The following EPHA6 variants were observed in gnomAD, a reference collection of about 807,000 sequenced individuals.
EPHA6 encodes the protein ephrin type-A receptor 6.
EPHA6 carries 50 observed loss-of-function variants against 112.0 expected under a neutral mutation model. That is an observed-to-expected ratio of 0.45 (90% CI 0.36 to 0.56). The LOEUF (loss-of-function observed/expected upper bound fraction) is 0.56. Ranked by LOEUF, EPHA6 falls within the 20% of genes least tolerant of loss-of-function variation. The pLI, the probability that EPHA6 is intolerant of heterozygous loss-of-function variation, is 0.00. For synonymous variants in EPHA6, 529 were observed against 490.7 expected, an observed-to-expected ratio of 1.08 and a Z score of -1.03; for missense variants, 1,280 against 1,417.4, an observed-to-expected ratio of 0.90 and a Z score of 1.56.
intron 4 of EPHA6, among the ~76,000 whole-genome samples, chr3:97,230,830 A>G (rs2078502419): frequency 6.6e-6 from 1 of 152,142 alleles, no homozygotes; most frequent in African/African-American, 2.4e-5. Flanking sequence ...AAATCACAGT[A>G]AACCAGGACA....
At chr3:97,489,128 G>A (rs2091770557) in intron 10 of EPHA6, among the ~76,000 whole-genome samples, 1 of 152,134 alleles carries the variant, frequency 6.6e-6, no homozygotes, top group South Asian at 2.1e-4. Flanking sequence ...AAAAGGATTA[G>A]AAATGACTAT....
At chr3:96,921,734 A>G (rs1047897569) in intron 2 of EPHA6, among the ~76,000 whole-genome samples, 1 of 151,832 alleles carries the variant, frequency 6.6e-6, no homozygotes, top group African/African-American at 2.4e-5. Context: ...TGCCTGGCTA[A>G]TTTTTGTATT....
chr3:96,814,985 G>A lies in EPHA6; in HGVS notation c.362G>A (p.Cys121Tyr). The change falls in exon 1 of 18, where the codon TGC (cysteine) becomes TAC (tyrosine). Residue 121 changes from cysteine to tyrosine, a missense_variant. Around this residue, in one of 4 missense-constraint regions of EPHA6, gnomAD observed 220 missense variants for 171.5 expected, o/e 1.28. Coordinates refer to ENST00000389672, the MANE Select transcript of EPHA6 (RefSeq NM_001080448.3). ...CTGCTGACAGCGTGGCCAGGCGACT[G>A]CAGTCACGTCTCCAACAACCAAGGT... ...LPLLTAWPGD[C>Y]SHVSNNQVVL... is the part of the protein sequence containing the mutation. The A allele has an allele frequency of 1.3e-6, 2 of 1,530,600 alleles. No individual in the cohort carries two copies. Among genetic ancestry groups the A allele is most frequent in the Non-Finnish European group, 1.8e-6 (2 of 1,133,568 alleles). 94.8% of individuals were successfully genotyped at this position (1,530,600 alleles called of 1,614,324 possible).
intron 3 of EPHA6, among the ~76,000 whole-genome samples, chr3:97,151,570 G>T (rs935875119): frequency 3.9e-5 from 6 of 151,910 alleles, no homozygotes; most frequent in Non-Finnish European, 8.8e-5. Flanking sequence ...ATCAACATAG[G>T]ATCTGATGGT....
At chr3:96,857,974 A>G (rs1559777875) in intron 1 of EPHA6, among the ~76,000 whole-genome samples, 1 of 152,074 alleles carries the variant, frequency 6.6e-6, no homozygotes, top group East Asian at 1.9e-4. Flanking sequence ...CTTGAAGAAT[A>G]TTGGCAGTTC....
In EPHA6 at chr3:97,752,369, T is replaced by TG. The variant is rs2035923221; in HGVS notation, c.*3668_*3669insG. The TG allele has an allele frequency of 4.4e-6, 1 of 224,864 alleles. No individual in the cohort carries two copies. The highest frequency in any genetic ancestry group is 8.9e-6 in the Non-Finnish European group (1 of 112,830). 13.9% of individuals were successfully genotyped at this position (224,864 alleles called of 1,614,324 possible). A position where few individuals can be genotyped will look rare whatever the true frequency, so the allele number is the denominator to read the frequency against. On this transcript the variant is annotated 3_prime_UTR_variant, in exon 18 of 18. Transcript: ENST00000389672. Reference sequence around the variant, plus strand: ...GTGTCTTTTCCTACCAAATTTCTGCTCTACAAGGCAGTCAGTTAAATCTCT... The same window carrying TG: ...GTGTCTTTTCCTACCAAATTTCTGCTGCTACAAGGCAGTCAGTTAAATCTCT...
chr3:97,551,935 T>C (rs1688032936), intron 11 of EPHA6, among the ~76,000 whole-genome samples: 2 of 152,184 alleles, frequency 1.3e-5, no homozygotes, highest in South Asian at 4.1e-4. Flanking sequence ...CTGAGATTTC[T>C]TAGCTTGTTC....
intron 5 of EPHA6, among the ~76,000 whole-genome samples, chr3:97,390,463 A>G (rs914456343): frequency 6.6e-6 from 1 of 151,196 alleles, no homozygotes; most frequent in African/African-American, 2.4e-5. Context: ...TATATATATT[A>G]TATATATACG....
At chr3:97,294,377 T>G (rs1056550652) in intron 5 of EPHA6, among the ~76,000 whole-genome samples, 1 of 152,220 alleles carries the variant, frequency 6.6e-6, no homozygotes, top group Non-Finnish European at 1.5e-5. Context: ...ATTAAGGTCT[T>G]TTTCCATTTC....
At chr3:97,528,451 G>C (rs988640116) in intron 10 of EPHA6, among the ~76,000 whole-genome samples, 5 of 152,104 alleles carry the variant, frequency 3.3e-5, no homozygotes, top group Admixed American at 3.3e-4. Context: ...GAGGAGAGTA[G>C]AGACAGGAGA....
intron 10 of EPHA6, among the ~76,000 whole-genome samples, chr3:97,514,151 A>G (rs186721622): frequency 3.0e-4 from 46 of 152,282 alleles, no homozygotes; most frequent in African/African-American, 1.1e-3. Context: ...ACTGGCTAAA[A>G]TCAGGGTGTT....
chr3:97,137,532 T>C (rs898765775), intron 3 of EPHA6, among the ~76,000 whole-genome samples: 1 of 152,206 alleles, frequency 6.6e-6, no homozygotes. Context: ...ATGCTAATGC[T>C]CATAACAGGG....
chr3:97,706,901 A>C (rs2033708469), intron 14 of EPHA6, among the ~76,000 whole-genome samples: 1 of 151,968 alleles, frequency 6.6e-6, no homozygotes, highest in Non-Finnish European at 1.5e-5. Context: ...TCTTACTGTA[A>C]CATGAGCTCC....
At chr3:97,324,695 C>T (rs368985519) in intron 5 of EPHA6, among the ~76,000 whole-genome samples, 23 of 151,898 alleles carry the variant, frequency 1.5e-4, no homozygotes, top group Middle Eastern at 3.4e-3. Flanking sequence ...TCTGCCACCA[C>T]GCCCAGCTCA....
intron 5 of EPHA6, 37 bp downstream of exon 5, chr3:97,244,324 A>G: frequency 1.3e-6 from 2 of 1,578,352 alleles, no homozygotes; most frequent in Non-Finnish European, 8.7e-7. Context: ...ACAGACCCAT[A>G]ATTTCTTTTG....
chr3:96,864,382 T>G (rs1026848406), intron 1 of EPHA6, among the ~76,000 whole-genome samples: 1 of 152,010 alleles, frequency 6.6e-6, no homozygotes, highest in Non-Finnish European at 1.5e-5. Flanking sequence ...AAAGGAACAG[T>G]TGAAACATGC....
intron 5 of EPHA6, among the ~76,000 whole-genome samples, chr3:97,247,533 A>G (rs1056390437): frequency 1.3e-5 from 2 of 151,898 alleles, no homozygotes; most frequent in African/African-American, 4.8e-5. Context: ...GTTCTGAGGG[A>G]TGAATAGAAA....
intron 14 of EPHA6, among the ~76,000 whole-genome samples, chr3:97,640,088 C>T (rs913754757): frequency 6.6e-6 from 1 of 152,060 alleles, no homozygotes; most frequent in Admixed American, 6.6e-5. Context: ...AAGGTTCATG[C>T]TGCCTTGCAA....
At chr3:97,364,243 G>T (rs1374159245) in intron 5 of EPHA6, among the ~76,000 whole-genome samples, 1 of 151,882 alleles carries the variant, frequency 6.6e-6, no homozygotes, top group African/African-American at 2.4e-5. Context: ...CACAGAGAAA[G>T]CCAGAAGGGA....
Sources: allele counts gnomAD v4.1 joint callset (sites outside exome capture counted in the v4.1 genomes callset), GRCh38; gene constraint gnomAD v4.1.1; regional missense constraint gnomAD v4.1.1; transcripts MANE v1.5; gene names NCBI Gene and HGNC (gene_info 2026-07-23, HGNC 2026-07-21).